MACROH2A1: variants seen among roughly 807,000 people sequenced by gnomAD.
The protein encoded by MACROH2A1 is core histone macro-H2A.1.
A neutral mutation model predicts 31.6 loss-of-function variants in MACROH2A1; 2 were observed. The ratio of observed to expected loss-of-function variants is 0.06; its 90% CI spans 0.03 to 0.20. The LOEUF (loss-of-function observed/expected upper bound fraction) is 0.20, where lower values mean the gene tolerates loss of function less well. Ranked by LOEUF, MACROH2A1 falls within the 10% of genes least tolerant of loss-of-function variation. MACROH2A1 has a pLI of 1.00. For synonymous variants in MACROH2A1, 169 were observed against 189.6 expected, an observed-to-expected ratio of 0.89 and a Z score of 0.89; for missense variants, 230 against 474.0, an observed-to-expected ratio of 0.49 and a Z score of 4.78.
At chr5:135,383,336 A>G (rs1389344877) in intron 2 of MACROH2A1, among the ~76,000 whole-genome samples, 5 of 152,380 alleles carry the variant, frequency 3.3e-5, no homozygotes, top group Middle Eastern at 3.4e-3. Flanking sequence ...TCAATAGCGT[A>G]TGTTAATAAC....
intron 6 of MACROH2A1, among the ~76,000 whole-genome samples, chr5:135,348,476 T>C (rs1207796952): frequency 6.6e-6 from 1 of 152,256 alleles, no homozygotes; most frequent in Non-Finnish European, 1.5e-5. Flanking sequence ...TAGAAAGAAC[T>C]TTTGATGGGT....
intron 2 of MACROH2A1, 54 bp from the exon 3 acceptor site, chr5:135,370,196 C>T (rs974850195): frequency 1.7e-5 from 19 of 1,107,880 alleles, no homozygotes; most frequent in Non-Finnish European, 2.3e-5. Flanking sequence ...TGTGTCCCCG[C>T]CCCGGTCCCC....
chr5:135,358,455 G>A, intron 5 of MACROH2A1: 6 of 985,412 alleles, frequency 6.1e-6, no homozygotes, highest in Non-Finnish European at 7.2e-6. Flanking sequence ...CATTAAACAG[G>A]AAGGGCAGTT....
rs114610471 is a variant in MACROH2A1 at position 135,350,008 on chromosome 5, A to G, written c.688+2938T>C. Among the ~76,000 whole-genome samples, 421 of 152,036 alleles carry G rather than the reference A, an allele frequency of 2.8e-3. 2 individuals are homozygous for G. The highest frequency in any genetic ancestry group is 9.2e-3 in the African/African-American group (380 of 41,430). ...AGCTCTAAAGCTGTGCTTTTTTTCT[A>G]TCACACATGGGTGCCTCCCCCTCAG... On this transcript the variant is annotated intron_variant, in intron 6 of 8. Coordinates refer to ENST00000511689, the MANE Select transcript of MACROH2A1 (RefSeq NM_138610.3).
At chr5:135,366,013 C>T (rs535765775) in intron 4 of MACROH2A1, among the ~76,000 whole-genome samples, 1 of 152,332 alleles carries the variant, frequency 6.6e-6, no homozygotes, top group African/African-American at 2.4e-5. Flanking sequence ...TTCCCCTGTG[C>T]TGTTCCCATG....
At position 135,387,606 on chromosome 5, in the gene MACROH2A1, A is replaced by G. The variant is rs1766591516; in HGVS notation, c.172+1316T>C. ...CACCTGATCATGTCTCAGGCAATAC[A>G]CAGTGAAAGCATTACGACAGGACAG... On this transcript the variant is annotated intron_variant, in intron 2 of 8. Coordinates refer to ENST00000511689, the MANE Select transcript of MACROH2A1 (RefSeq NM_138610.3). Among the ~76,000 whole-genome samples the G allele has an allele frequency of 2.0e-5, 3 of 152,292 alleles. No homozygotes were observed. In the South Asian group the frequency reaches 6.2e-4, roughly 32 times the overall value.
At chr5:135,375,828 C>T (rs1337426870) in intron 2 of MACROH2A1, among the ~76,000 whole-genome samples, 7 of 152,220 alleles carry the variant, frequency 4.6e-5, no homozygotes, top group Non-Finnish European at 1.0e-4. Flanking sequence ...GATTCATCAT[C>T]CTTCCATCAG....
chr5:135,355,613 A>T (rs1762088465), intron 5 of MACROH2A1: 3 of 208,596 alleles, frequency 1.4e-5, no homozygotes, highest in African/African-American at 2.3e-5. Flanking sequence ...GGAAGGGGAG[A>T]AGACAAATTA....
chr5:135,388,789 T>C (rs1440697917), intron 2 of MACROH2A1, 133 bp downstream of exon 2: 1 of 690,078 alleles, frequency 1.4e-6, no homozygotes, highest in Non-Finnish European at 2.4e-6. Context: ...AAAATGTTCC[T>C]TGTACTCTTC....
chr5:135,393,107 G>A lies in MACROH2A1; in HGVS notation c.-33-3981C>T, dbSNP rs193125941. The stretch of plus-strand genomic sequence containing the variant: ...TTCTCACTCCCGAAAAATCCAAAAT[G>A]GGTTTCCATGATTGGCTGGTGTTTC... On this transcript the variant is annotated intron_variant, in intron 1 of 8. Coordinates refer to ENST00000511689, the MANE Select transcript of MACROH2A1 (RefSeq NM_138610.3). Among the ~76,000 whole-genome samples the A allele has an allele frequency of 3.1e-3, 469 of 152,298 alleles. 3 individuals carry two copies. Among genetic ancestry groups the A allele is most frequent in the South Asian group, 3.7e-3 (18 of 4,826 alleles).
chr5:135,394,326 T>G (rs959692978), intron 1 of MACROH2A1, among the ~76,000 whole-genome samples: 2 of 152,214 alleles, frequency 1.3e-5, no homozygotes, highest in Non-Finnish European at 2.9e-5. Context: ...TCCATCAATG[T>G]GCTCCCTCTT....
rs186881465 is a variant in MACROH2A1 at position 135,393,864 on chromosome 5, T to C, written c.-33-4738A>G. Among the ~76,000 whole-genome samples, 19 of 152,342 alleles carry C rather than the reference T, an allele frequency of 1.2e-4. No individual in the cohort carries two copies. In the East Asian group the frequency reaches 3.7e-3, roughly 29 times the overall value. ...TATAAATCACAATAAACATTAACTT[T>C]GTTTATAAAACCTCAAAGCTTACCC... On this transcript the variant is annotated intron_variant, in intron 1 of 8. Transcript: ENST00000511689.
chr5:135,355,422 A>G (rs1253959549), intron 5 of MACROH2A1: 4 of 360,278 alleles, frequency 1.1e-5, no homozygotes, highest in East Asian at 1.5e-4. Flanking sequence ...TCTGTGGATG[A>G]GGCTAGAGCT....
In MACROH2A1 at chr5:135,369,818, T is replaced by A. The variant is rs1270634464; in HGVS notation, c.280-215A>T. Among the ~76,000 whole-genome samples, 3 of 152,124 alleles carry A rather than the reference T, an allele frequency of 2.0e-5. No homozygotes were observed. The highest frequency in any genetic ancestry group is 7.2e-5 in the African/African-American group (3 of 41,430). ...AATGGAATTTAGATCATCTCTCTCCTTTCGGGAGAGCCAAATACCTTGTAT... is the reference window on the plus strand; with the variant it reads ...AATGGAATTTAGATCATCTCTCTCCATTCGGGAGAGCCAAATACCTTGTAT... On this transcript the variant is annotated intron_variant, in intron 3 of 8. Coordinates refer to ENST00000511689, the MANE Select transcript of MACROH2A1 (RefSeq NM_138610.3). The surrounding 1 kb of genome is among the most constrained non-coding windows in gnomAD (Gnocchi z 4.3).
intron 6 of MACROH2A1, 75 bp from the exon 7 acceptor site, chr5:135,346,132 A>G: frequency 1.2e-6 from 1 of 854,170 alleles, no homozygotes; most frequent in East Asian, 2.4e-5. Flanking sequence ...ATGTCAGGTG[A>G]TTACATACTT....
intron 2 of MACROH2A1, among the ~76,000 whole-genome samples, chr5:135,380,013 C>G (rs2149903164): frequency 6.6e-6 from 1 of 152,318 alleles, no homozygotes; most frequent in East Asian, 1.9e-4. Flanking sequence ...GTGTGGCCCA[C>G]TCTGCCCCCG....
At chr5:135,380,336 C>A (rs1351438019) in intron 2 of MACROH2A1, among the ~76,000 whole-genome samples, 2 of 152,146 alleles carry the variant, frequency 1.3e-5, no homozygotes, top group African/African-American at 2.4e-5. Flanking sequence ...ATTCTTTTGA[C>A]CCCAGCACCC....
At chr5:135,389,846 G>A (rs1766960940) in intron 1 of MACROH2A1, among the ~76,000 whole-genome samples, 1 of 152,190 alleles carries the variant, frequency 6.6e-6, no homozygotes, top group South Asian at 2.1e-4. Flanking sequence ...GGTCACAAAT[G>A]TCTCCTGAAA....
rs1249284587 is a variant in MACROH2A1, at chr5:135,398,867, C to A, written c.-34+195G>T. ...TTTTTTGAACAAAACCAAAGGGAAT[C>A]CCGCGCGGCCCGACAAGGCCTGGGA... On this transcript the variant is annotated intron_variant, in intron 1 of 8. Coordinates refer to ENST00000511689, the MANE Select transcript of MACROH2A1 (RefSeq NM_138610.3). The surrounding 1 kb of genome is among the most constrained non-coding windows in gnomAD (Gnocchi z 4.6). Among the ~76,000 whole-genome samples the A allele has an allele frequency of 1.3e-5, 2 of 151,906 alleles. No homozygotes were observed. Among genetic ancestry groups the A allele is most frequent in the African/African-American group, 4.8e-5 (2 of 41,426 alleles).
Sources: allele counts gnomAD v4.1 joint callset (sites outside exome capture counted in the v4.1 genomes callset), GRCh38; gene constraint gnomAD v4.1.1; non-coding constraint Gnocchi (gnomAD v3.1); transcripts MANE v1.5; gene names NCBI Gene and HGNC (gene_info 2026-07-23, HGNC 2026-07-21).